Variants in TENM2 observed in about 807,000 individuals in gnomAD.
TENM2 encodes teneurin-2.
In TENM2, 52 loss-of-function variants were observed where a neutral mutation model predicts 245.2. That is an observed-to-expected ratio of 0.21 (90% CI 0.17 to 0.27). TENM2 has a LOEUF of 0.27. TENM2 is among the 10% of genes least tolerant of loss of function. TENM2 has a pLI of 1.00. For missense variants in TENM2, 3,046 were observed against 3,666.8 expected, an observed-to-expected ratio of 0.83 and a Z score of 4.37; for synonymous variants, 1,363 against 1,438.9, an observed-to-expected ratio of 0.95 and a Z score of 1.19.
At chr5:167,235,663 A>T in the TENM2 span, among the ~76,000 whole-genome samples, 1 of 151,850 alleles carries the variant, frequency 6.6e-6, no homozygotes, top group Non-Finnish European at 1.5e-5. Context: ...CATGGTCACA[A>T]TATGGCTGCC....
intron 1 of TENM2, among the ~76,000 whole-genome samples, chr5:167,330,075 C>T (rs892610118): frequency 6.6e-6 from 1 of 152,124 alleles, no homozygotes; most frequent in African/African-American, 2.4e-5. Flanking sequence ...CTGTCACTTA[C>T]CAGACATATG....
At chr5:167,752,977 A>AT (rs1722776152) in intron 2 of TENM2, among the ~76,000 whole-genome samples, 2 of 152,240 alleles carry the variant, frequency 1.3e-5, no homozygotes, top group African/African-American at 2.4e-5. Context: ...CTAGAAACAC[A>AT]TTTTTTAGCC....
intron 2 of TENM2, among the ~76,000 whole-genome samples, chr5:167,798,002 A>C (rs1415837794): frequency 6.6e-6 from 1 of 152,250 alleles, no homozygotes; most frequent in African/African-American, 2.4e-5. Context: ...TAATAACAAG[A>C]AATTTTAGTA....
intron 2 of TENM2, chr5:167,754,855 AT>A (rs1762193601): frequency 1.8e-6 from 1 of 547,802 alleles, no homozygotes; most frequent in Non-Finnish European, 2.8e-6. Context: ...TCCCCAACTA[AT>A]TCCTCAGGAA....
chr5:168,146,721 G>A (rs1222787775), intron 12 of TENM2, among the ~76,000 whole-genome samples: 2 of 152,186 alleles, frequency 1.3e-5, no homozygotes, highest in Admixed American at 1.3e-4. Flanking sequence ...AATACTGTTA[G>A]CATCATCATT....
intron 2 of TENM2, among the ~76,000 whole-genome samples, chr5:167,464,896 C>G (rs1561978650): frequency 6.6e-6 from 1 of 152,170 alleles, no homozygotes; most frequent in African/African-American, 2.4e-5. Context: ...ATGTGCTGAA[C>G]TATTCCAATT....
the TENM2 span, among the ~76,000 whole-genome samples, chr5:167,037,631 T>C: frequency 1.3e-5 from 2 of 152,118 alleles, no homozygotes; most frequent in Non-Finnish European, 2.9e-5. Context: ...CCCAACCATG[T>C]AAAACTTGCA....
At chr5:167,298,331 C>T (rs1256268343) in intron 1 of TENM2, among the ~76,000 whole-genome samples, 5 of 152,150 alleles carry the variant, frequency 3.3e-5, no homozygotes, top group African/African-American at 7.2e-5. Context: ...GGGCCGGGTG[C>T]GGTGGCTCAC....
At chr5:167,918,409 G>A (rs1001842721) in intron 3 of TENM2, among the ~76,000 whole-genome samples, 1 of 152,166 alleles carries the variant, frequency 6.6e-6, no homozygotes, top group South Asian at 2.1e-4. Flanking sequence ...CGTCTGGGAG[G>A]ACGGTGGGAC....
At chr5:167,549,200 G>A (rs950389421) in intron 2 of TENM2, among the ~76,000 whole-genome samples, 2 of 152,052 alleles carry the variant, frequency 1.3e-5, no homozygotes, top group Non-Finnish European at 2.9e-5. Context: ...AAAAGACTGA[G>A]GATAACACCA....
At chr5:168,171,180 A>T (rs759160064) in intron 13 of TENM2, among the ~76,000 whole-genome samples, 1 of 152,198 alleles carries the variant, frequency 6.6e-6, no homozygotes, top group Non-Finnish European at 1.5e-5. Context: ...CCCATCAACC[A>T]TTAGTGTTTC....
intron 2 of TENM2, among the ~76,000 whole-genome samples, chr5:167,665,216 G>A (rs1755490783): frequency 6.6e-6 from 1 of 152,054 alleles, no homozygotes; most frequent in East Asian, 1.9e-4. Flanking sequence ...AGGTTACTGG[G>A]AAAAATGAAT....
chr5:167,918,616 A>AT (rs552386092), intron 3 of TENM2, among the ~76,000 whole-genome samples: 21 of 152,236 alleles, frequency 1.4e-4, no homozygotes, highest in African/African-American at 4.1e-4. Flanking sequence ...AGGGAGGGAG[A>AT]CAGGAGCCGT....
At chr5:167,665,704 CA>C (rs1162262084) in intron 2 of TENM2, among the ~76,000 whole-genome samples, 1 of 151,752 alleles carries the variant, frequency 6.6e-6, no homozygotes, top group African/African-American at 2.4e-5. Flanking sequence ...TTATTTTTGC[CA>C]AAAAACAAAA....
chr5:167,060,840 G>C, the TENM2 span, among the ~76,000 whole-genome samples: 2 of 151,656 alleles, frequency 1.3e-5, no homozygotes, highest in Non-Finnish European at 2.9e-5. Context: ...CATTCATTTT[G>C]GACTCACCAC....
chr5:167,010,909 G>T, the TENM2 span, among the ~76,000 whole-genome samples: 3 of 152,228 alleles, frequency 2.0e-5, no homozygotes, highest in East Asian at 3.9e-4. Context: ...GGTTTGCTCA[G>T]TACTTTATAA....
chr5:168,052,240 A>T (rs1789155564), intron 6 of TENM2, among the ~76,000 whole-genome samples: 1 of 151,860 alleles, frequency 6.6e-6, no homozygotes, highest in South Asian at 2.1e-4. Flanking sequence ...ACAAAAAAAA[A>T]GTTAGCCAGG....
intron 4 of TENM2, among the ~76,000 whole-genome samples, chr5:167,986,585 C>G (rs1223099501): frequency 6.6e-6 from 1 of 152,160 alleles, no homozygotes; most frequent in Non-Finnish European, 1.5e-5. Context: ...TTTGGGGGCC[C>G]CTCATTTGCC....
chr5:168,236,996 ATAT>A (rs1765558285), intron 25 of TENM2, among the ~76,000 whole-genome samples: 1 of 2,636 alleles, frequency 3.8e-4, no homozygotes. Flanking sequence ...ATATATATAT[ATAT>A]ATTTTTTTTT....
Sources: gnomAD v4.1 joint callset for allele counts (sites outside exome capture counted in the v4.1 genomes callset) on GRCh38, gnomAD v4.1.1 for gene constraint, MANE v1.5 for transcripts, NCBI Gene and HGNC (gene_info 2026-07-23, HGNC 2026-07-21) for gene names.